Variants in KCNQ5 observed in about 807,000 individuals in gnomAD.
KCNQ5 encodes the protein potassium voltage-gated channel subfamily Q member 5.
Under a neutral mutation model 98.2 loss-of-function variants are expected in KCNQ5, and 30 were observed. That is an observed-to-expected ratio of 0.31 (90% confidence interval 0.23 to 0.41). KCNQ5 has a LOEUF of 0.41. Among genes scored for constraint, KCNQ5 ranks in the 10% least tolerant of loss-of-function variants. The pLI, the probability that KCNQ5 is intolerant of heterozygous loss-of-function variation, is 1.00. For missense variants in KCNQ5, 835 were observed against 1,182.5 expected, an observed-to-expected ratio of 0.71 and a Z score of 4.31; for synonymous variants, 458 against 449.4, an observed-to-expected ratio of 1.02 and a Z score of -0.24.
At chr6:72,664,493 G>GA (rs11374925) in intron 1 of KCNQ5, among the ~76,000 whole-genome samples, 18,262 of 151,590 alleles carry the variant, frequency 0.12, 1,225 homozygotes, top group South Asian at 0.17. Flanking sequence ...GTCTCTACTA[G>GA]AAAAAACAAA....
rs562264381 is a variant in KCNQ5, at chr6:72,932,215, G to A, written c.399-71693G>A. 1.1e-3 allele frequency among the ~76,000 whole-genome samples: 169 copies of A among 151,982 alleles called. 2 individuals carry two copies. Among genetic ancestry groups the A allele is most frequent in the African/African-American group, 3.9e-3 (160 of 41,488 alleles). On this transcript the variant is annotated intron_variant, in intron 1 of 13. Transcript: ENST00000370398. ...ATTGAATATGAATTATAAATCTGTC[G>A]GGTGAGTGAGAGCTGGGACATGGAA...
intron 10 of KCNQ5, among the ~76,000 whole-genome samples, chr6:73,150,251 A>G (rs1777097519): frequency 6.6e-6 from 1 of 151,964 alleles, no homozygotes; most frequent in African/African-American, 2.4e-5. Context: ...GATCACTTAC[A>G]CATTGCTGGT....
intron 1 of KCNQ5, among the ~76,000 whole-genome samples, chr6:72,854,466 A>C (rs1348197487): frequency 6.6e-6 from 1 of 151,810 alleles, no homozygotes; most frequent in Non-Finnish European, 1.5e-5. Flanking sequence ...ATATGTGTTC[A>C]TTTATGTAAA....
chr6:72,913,379 C>T (rs1040728614), intron 1 of KCNQ5, among the ~76,000 whole-genome samples: 12 of 151,958 alleles, frequency 7.9e-5, no homozygotes, highest in South Asian at 2.1e-4. Context: ...ACCATGTCAA[C>T]GTAACTACTC....
intron 1 of KCNQ5, among the ~76,000 whole-genome samples, chr6:72,977,046 CATT>C (rs1768188813): frequency 1.3e-5 from 2 of 152,222 alleles, no homozygotes; most frequent in Non-Finnish European, 2.9e-5. Context: ...TCATTGTCAT[CATT>C]GTTATCCATG....
intron 1 of KCNQ5, among the ~76,000 whole-genome samples, chr6:72,717,090 A>G (rs1188331895): frequency 6.6e-6 from 1 of 152,220 alleles, no homozygotes; most frequent in African/African-American, 2.4e-5. Context: ...CATAATCCCC[A>G]TGTAGTGGAA....
chr6:72,826,420 G>A lies in KCNQ5; in HGVS notation c.399-177488G>A, dbSNP rs977767594. On this transcript the variant is annotated intron_variant, in intron 1 of 13. Transcript: ENST00000370398. ...ATCAAAAGCTACAGGAAAATCATAA[G>A]AAATAATGAATAGAAGAAATATGTA... Among the ~76,000 whole-genome samples, 6 of 139,932 alleles carry A rather than the reference G, an allele frequency of 4.3e-5. No homozygotes were observed. The Middle Eastern group carries it at 0.011, about 254-fold the overall frequency. The allele number at this position is 139,932 out of a possible 152,430, so 91.8% of individuals were successfully genotyped here.
intron 10 of KCNQ5, among the ~76,000 whole-genome samples, chr6:73,158,353 G>T (rs183786479): frequency 0.015 from 2,138 of 146,184 alleles, 47 homozygotes; most frequent in African/African-American, 0.05. Context: ...CGCAACCTCC[G>T]CCTCCCGGGT....
chr6:73,103,859 A>G (rs1774896492), intron 5 of KCNQ5, among the ~76,000 whole-genome samples: 1 of 152,222 alleles, frequency 6.6e-6, no homozygotes, highest in South Asian at 2.1e-4. Flanking sequence ...AATTAAGAGT[A>G]TAATTGGATT....
intron 3 of KCNQ5, among the ~76,000 whole-genome samples, chr6:73,064,375 T>C (rs372641890): frequency 6.6e-6 from 1 of 152,226 alleles, no homozygotes; most frequent in South Asian, 2.1e-4. Flanking sequence ...TCTGTAAATT[T>C]AAACCCATAA....
intron 1 of KCNQ5, among the ~76,000 whole-genome samples, chr6:72,627,322 G>A (rs1013484326): frequency 2.6e-5 from 4 of 152,124 alleles, no homozygotes; most frequent in Admixed American, 6.5e-5. Flanking sequence ...GCTAGAGACT[G>A]GGGAACACCA....
At chr6:72,634,647 C>A (rs957765327) in intron 1 of KCNQ5, among the ~76,000 whole-genome samples, 3 of 152,098 alleles carry the variant, frequency 2.0e-5, no homozygotes, top group African/African-American at 2.4e-5. Context: ...CTCACTGCAA[C>A]CTCCACCTCC....
intron 10 of KCNQ5, among the ~76,000 whole-genome samples, chr6:73,145,585 A>T (rs191812343): frequency 4.6e-5 from 7 of 152,326 alleles, no homozygotes; most frequent in Admixed American, 3.3e-4. Context: ...TAAGGTATGC[A>T]ACAGTAATTT....
At chr6:72,794,140 G>C (rs1157651890) in intron 1 of KCNQ5, among the ~76,000 whole-genome samples, 1 of 152,210 alleles carries the variant, frequency 6.6e-6, no homozygotes, top group Non-Finnish European at 1.5e-5. Context: ...ATGAATGTCA[G>C]TGCACGTTGG....
chr6:73,003,779 T>G (rs1159576416), intron 1 of KCNQ5, 129 bp from the exon 2 acceptor site: 1 of 625,642 alleles, frequency 1.6e-6, no homozygotes, highest in African/African-American at 1.8e-5. Context: ...GCTAGTCCCT[T>G]CCAGAGTTTT....
At chr6:73,022,058 CA>C (rs1469936885) in intron 2 of KCNQ5, among the ~76,000 whole-genome samples, 15 of 151,888 alleles carry the variant, frequency 9.9e-5, no homozygotes, top group African/African-American at 2.7e-4. Context: ...AGTCTGTAGC[CA>C]ACATTAAAAA....
intron 1 of KCNQ5, among the ~76,000 whole-genome samples, chr6:72,784,526 G>A (rs189225740): frequency 6.6e-6 from 1 of 152,250 alleles, no homozygotes; most frequent in Non-Finnish European, 1.5e-5. Flanking sequence ...AATGAGGTCA[G>A]GATTTATTTT....
In KCNQ5 at chr6:73,197,390, T is replaced by C. The variant is rs965144603; in HGVS notation, c.*1976T>C. 1.3e-5 allele frequency: 2 copies of C among 152,166 alleles called. No homozygotes were observed. The highest frequency in any genetic ancestry group is 4.8e-5 in the African/African-American group (2 of 41,444). The allele number at this position is 152,166 out of a possible 1,614,324, so 9.4% of individuals were successfully genotyped here. A position where few individuals can be genotyped will look rare whatever the true frequency, so the allele number is the denominator to read the frequency against. On this transcript the variant is annotated 3_prime_UTR_variant, in exon 14 of 14. Transcript: ENST00000370398. Reference sequence around the variant, plus strand: ...TGGATTCTAAGACAATTAGAATCATTTAGAATCTTTTTGGCTGCTGGAAAT... The same window carrying C: ...TGGATTCTAAGACAATTAGAATCATCTAGAATCTTTTTGGCTGCTGGAAAT...
intron 11 of KCNQ5, among the ~76,000 whole-genome samples, chr6:73,173,254 A>G (rs1391036984): frequency 6.6e-6 from 1 of 152,156 alleles, no homozygotes; most frequent in Non-Finnish European, 1.5e-5. Context: ...CACCTTTAGG[A>G]GTGAAGATTG....
Sources: gnomAD v4.1 joint callset for allele counts (sites outside exome capture counted in the v4.1 genomes callset) on GRCh38, gnomAD v4.1.1 for gene constraint, MANE v1.5 for transcripts, NCBI Gene and HGNC (gene_info 2026-07-23, HGNC 2026-07-21) for gene names.